TRIM5: variants seen among roughly 807,000 people sequenced by gnomAD.
TRIM5 encodes the protein tripartite motif-containing protein 5.
TRIM5 carries 31 observed loss-of-function variants against 35.6 expected under a neutral mutation model. The observed-to-expected ratio is 0.87, with a 90% confidence interval of 0.65 to 1.18. The LOEUF (loss-of-function observed/expected upper bound fraction) is 1.18. Ranked by LOEUF, TRIM5 falls within the 50% of genes most tolerant of loss-of-function variation. The probability of loss-of-function intolerance (pLI) is 0.00; values close to 1 mark genes in which losing one functional copy is unlikely to be tolerated. For missense variants in TRIM5, 609 were observed against 591.6 expected (o/e 1.03, Z -0.31); for synonymous variants, 243 against 215.6 (o/e 1.13, Z -1.11).
rs868573160 is a variant in TRIM5 at position 5,673,094 on chromosome 11, A to G, written c.744+5110T>C. On this transcript the variant is annotated intron_variant, in intron 4 of 7. Transcript: ENST00000380034. The stretch of plus-strand genomic sequence containing the variant: ...GTAAAACTATATCAATAATTGCATT[A>G]AATGTTATAATGAAAACCCAAATGA... Among the ~76,000 whole-genome samples the G allele has an allele frequency of 4.6e-5, 7 of 152,306 alleles. No individual in the cohort carries two copies. The Middle Eastern group carries it at 0.01, about 222-fold the overall frequency.
chr11:5,664,849 T>C lies in TRIM5; in HGVS notation c.1442A>G (p.Lys481Arg), dbSNP rs1851000851. 1 of 1,610,562 alleles carries C rather than the reference T, an allele frequency of 6.2e-7. No homozygotes were observed. The highest frequency in any genetic ancestry group is 1.1e-5 in the South Asian group (1 of 90,456). Residue 481 changes from lysine (K) to arginine (R), a missense_variant, in exon 8 of 8, where the codon AAA (lysine) becomes AGA (arginine). By Grantham distance (26) the Lys-to-Arg change is conservative. Transcript: ENST00000380034. ...GCACAGAGTCATGGGGACTCCACAT[T>C]TTCTAGGATTTAAATATGGAAATAC... ...QPVFPYLNPR[K>R]CGVPMTLCSP... is the part of the protein sequence containing the mutation.
downstream of TRIM5, among the ~76,000 whole-genome samples, chr11:5,658,919 G>GC (rs1049150086): frequency 2.0e-5 from 3 of 152,042 alleles, 1 homozygote; most frequent in African/African-American, 7.2e-5. Flanking sequence ...ACCAAACACC[G>GC]CATGTTCTCA....
intron 4 of TRIM5, among the ~76,000 whole-genome samples, chr11:5,675,874 CCAGAG>C (rs1490644415): frequency 2.1e-5 from 2 of 93,740 alleles, no homozygotes; most frequent in East Asian, 5.5e-4. Flanking sequence ...ACCATAGTCC[CCAGAG>C]TGTGATATTC....
chr11:5,656,966 T>C, the TRIM5 span, among the ~76,000 whole-genome samples: 4 of 152,214 alleles, frequency 2.6e-5, no homozygotes, highest in Non-Finnish European at 5.9e-5. Flanking sequence ...ACTGGGTATA[T>C]ACTCAAAGGA....
the TRIM5 span, among the ~76,000 whole-genome samples, chr11:5,609,932 A>T: frequency 6.6e-6 from 1 of 152,084 alleles, no homozygotes; most frequent in Non-Finnish European, 1.5e-5. Flanking sequence ...CAAAAAAAAA[A>T]GTTAAATCTT....
the TRIM5 span, among the ~76,000 whole-genome samples, chr11:5,594,326 G>A: frequency 1.3e-5 from 2 of 151,978 alleles, no homozygotes; most frequent in African/African-American, 2.4e-5. Context: ...TTTTTGTTTT[G>A]AGACTGATTA....
In TRIM5 at chr11:5,679,816, T is replaced by C. The variant is rs538849713; in HGVS notation, c.362A>G (p.Gln121Arg). Residue 121 changes from glutamine to arginine, a missense_variant, in exon 2 of 8, where the codon CAG becomes CGG. Coordinates refer to ENST00000380034, the MANE Select transcript of TRIM5 (RefSeq NM_033034.3). Reference sequence around the variant, plus strand: ...GAACGTGTGGTGACCACGGTGCTCCTGAGACCGCTCACAAAGCCAGCAAAT... The same window carrying C: ...GAACGTGTGGTGACCACGGTGCTCCCGAGACCGCTCACAAAGCCAGCAAAT... ...KVICWLCERS[Q>R]EHRGHHTFLT... The C allele has an allele frequency of 1.6e-5, 25 of 1,612,908 alleles. No individual in the cohort carries two copies. In the South Asian group the frequency reaches 2.6e-4, roughly 17 times the overall value.
Position 5,680,217 on chromosome 11 carries a change from G to C in TRIM5, c.-40C>G. 2 of 1,535,864 alleles carry C rather than the reference G, an allele frequency of 1.3e-6. No homozygotes were observed. The highest frequency in any genetic ancestry group is 1.8e-6 in the Non-Finnish European group (2 of 1,139,486). ...TGCTCCTGCCTGTCCTGGCTGCTGA[G>C]GTTCCTCTTGTTCACAGATCCCTGC... is the stretch of plus-strand genomic sequence containing the variant. On this transcript the variant is annotated 5_prime_UTR_variant, in exon 2 of 8. Coordinates refer to ENST00000380034, the MANE Select transcript of TRIM5 (RefSeq NM_033034.3).
chr11:5,643,499 C>T, the TRIM5 span: 30 of 1,614,106 alleles, frequency 1.9e-5, no homozygotes, highest in South Asian at 9.9e-5. Context: ...CCTCTGATCC[C>T]GAGGTTTTGA....
the TRIM5 span, among the ~76,000 whole-genome samples, chr11:5,628,670 A>C: frequency 6.6e-6 from 1 of 152,200 alleles, no homozygotes; most frequent in African/African-American, 2.4e-5. Flanking sequence ...TTCTTTCACT[A>C]TCAAACCTGT....
At chr11:5,632,299 G>A in the TRIM5 span, 38 of 1,613,886 alleles carry the variant, frequency 2.4e-5, 1 homozygote, top group South Asian at 2.4e-4. Context: ...AGCCTCAGGA[G>A]TTAGGACCAG....
chr11:5,667,263 G>C (rs1310474354), intron 5 of TRIM5, among the ~76,000 whole-genome samples: 1 of 152,064 alleles, frequency 6.6e-6, no homozygotes, highest in Non-Finnish European at 1.5e-5. Context: ...CTGGAGTGCA[G>C]TGGCATGGTC....
At chr11:5,613,726 A>ATTTAC in the TRIM5 span, among the ~76,000 whole-genome samples, 1 of 152,196 alleles carries the variant, frequency 6.6e-6, no homozygotes, top group African/African-American at 2.4e-5. Flanking sequence ...TTCCAAGTGA[A>ATTTAC]TTTACTTTAT....
Position 5,664,677 on chromosome 11 carries a change from T to G in TRIM5, c.*132A>C, listed in dbSNP as rs949734111. On this transcript the variant is annotated 3_prime_UTR_variant, in exon 8 of 8. Transcript: ENST00000380034. ...GCAATTATTACATTTTACTGATGAG[T>G]GAAGGACGTTCAAATAGAAAGAAGG... The G allele has an allele frequency of 2.8e-5, 41 of 1,451,674 alleles. No homozygotes were observed. The highest frequency in any genetic ancestry group is 3.6e-5 in the Non-Finnish European group (40 of 1,107,450). 89.9% of individuals were successfully genotyped at this position (1,451,674 alleles called of 1,614,324 possible).
chr11:5,674,713 G>C (rs1851814833), intron 4 of TRIM5, among the ~76,000 whole-genome samples: 1 of 152,250 alleles, frequency 6.6e-6, no homozygotes, highest in Admixed American at 6.5e-5. Context: ...ATTCTCAGTT[G>C]TGTTGGAACA....
At chr11:5,662,024 A>G (rs1850844493), downstream of TRIM5, among the ~76,000 whole-genome samples, 1 of 152,206 alleles carries the variant, frequency 6.6e-6, no homozygotes, top group African/African-American at 2.4e-5. Flanking sequence ...AGTGAGTGAA[A>G]GCCTCAATCT....
the TRIM5 span, chr11:5,608,223 C>A: frequency 8.6e-7 from 1 of 1,159,536 alleles, no homozygotes; most frequent in Non-Finnish European, 1.2e-6. Context: ...TAGGGACAGT[C>A]TGCCCTGAGT....
At chr11:5,605,502 T>C in the TRIM5 span, 2 of 1,614,102 alleles carry the variant, frequency 1.2e-6, no homozygotes, top group Non-Finnish European at 1.7e-6. Flanking sequence ...CCAGACCCAG[T>C]CGCTGCGAGA....
At chr11:5,671,280 T>C (rs1851567724) in intron 4 of TRIM5, among the ~76,000 whole-genome samples, 1 of 143,124 alleles carries the variant, frequency 7.0e-6, no homozygotes, top group Non-Finnish European at 1.5e-5. Flanking sequence ...AGAAACAAGA[T>C]AGAATACCAC....
Sources: allele counts gnomAD v4.1 joint callset (sites outside exome capture counted in the v4.1 genomes callset), GRCh38; gene constraint gnomAD v4.1.1; transcripts MANE v1.5; gene names NCBI Gene and HGNC (gene_info 2026-07-23, HGNC 2026-07-21).